Variants in CCDC122 observed in about 807,000 individuals in gnomAD.
CCDC122 encodes coiled-coil domain containing 122, also known as coiled-coil domain-containing protein 122.
A neutral mutation model predicts 37.0 loss-of-function variants in CCDC122; 38 were observed. The observed-to-expected ratio is 1.03, with a 90% confidence interval of 0.79 to 1.35. The LOEUF (loss-of-function observed/expected upper bound fraction) is 1.35, where lower values mean the gene tolerates loss of function less well. Ranked by LOEUF, CCDC122 falls within the 40% of genes most tolerant of loss-of-function variation. The probability of loss-of-function intolerance (pLI) is 0.00; values close to 1 mark genes in which losing one functional copy is unlikely to be tolerated. For synonymous variants in CCDC122, 83 were observed against 95.6 expected, an observed-to-expected ratio of 0.87 and a Z score of 0.77; for missense variants, 305 against 310.0, an observed-to-expected ratio of 0.98 and a Z score of 0.12.
At chr13:43,842,151 A>G (rs1953376815) in intron 6 of CCDC122, among the ~76,000 whole-genome samples, 1 of 152,190 alleles carries the variant, frequency 6.6e-6, no homozygotes, top group African/African-American at 2.4e-5. Flanking sequence ...ATCCTCCTAT[A>G]GTTTCTTCTG....
At chr13:43,861,850 A>G (rs1210555852) in intron 4 of CCDC122, among the ~76,000 whole-genome samples, 2 of 152,130 alleles carry the variant, frequency 1.3e-5, no homozygotes, top group South Asian at 2.1e-4. Flanking sequence ...AGACTTTCTG[A>G]TTTCAATAAA....
intron 1 of CCDC122, among the ~76,000 whole-genome samples, chr13:43,876,771 T>C (rs1208712642): frequency 6.6e-6 from 1 of 152,234 alleles, no homozygotes; most frequent in Non-Finnish European, 1.5e-5. Flanking sequence ...TAAAAATCTA[T>C]GTTTAATATT....
At chr13:43,852,988 C>T (rs1394485252) in intron 6 of CCDC122, among the ~76,000 whole-genome samples, 1 of 152,094 alleles carries the variant, frequency 6.6e-6, no homozygotes, top group African/African-American at 2.4e-5. Context: ...CTGAAGAAAG[C>T]ACTAAATATG....
At chr13:43,822,904 G>A (rs756373841), downstream of CCDC122, among the ~76,000 whole-genome samples, 4 of 152,124 alleles carry the variant, frequency 2.6e-5, no homozygotes, top group African/African-American at 4.8e-5. Context: ...GCCTGGAACC[G>A]GGGACCCCAA....
intron 3 of CCDC122, among the ~76,000 whole-genome samples, chr13:43,827,532 T>G (rs1005474614): frequency 2.0e-5 from 3 of 152,200 alleles, no homozygotes; most frequent in Non-Finnish European, 2.9e-5. Context: ...TGATACAGAT[T>G]TTTTGGTACA....
Position 43,858,853 on chromosome 13 carries a change from T to C in CCDC122, c.600A>G (p.Glu200=), listed in dbSNP as rs774995481. 2.1e-6 allele frequency: 3 copies of C among 1,419,020 alleles called. No individual in the cohort carries two copies. Among genetic ancestry groups the C allele is most frequent in the Admixed American group, 2.3e-5 (1 of 42,842 alleles). The allele number at this position is 1,419,020 out of a possible 1,614,324, so 87.9% of individuals were successfully genotyped here. Reference sequence around the variant, plus strand: ...GAAAACAAGTTTTTTCAATGATAGATTCTTTTACAGTTATAATTTTATCCT... The same window carrying C: ...GAAAACAAGTTTTTTCAATGATAGACTCTTTTACAGTTATAATTTTATCCT... ...NLKDKIITVK[E]SIIEKTCFLE... The change falls in exon 6 of 7, where the codon GAA becomes GAG. Residue 200 remains glutamate, a synonymous_variant. Transcript: ENST00000444614.
chr13:43,864,716 A>C (rs139373926), intron 4 of CCDC122, among the ~76,000 whole-genome samples: 1 of 152,200 alleles, frequency 6.6e-6, no homozygotes, highest in Non-Finnish European at 1.5e-5. Flanking sequence ...TTCCAACATG[A>C]GGGTTGGAGG....
Position 43,869,373 on chromosome 13 carries a change from A to G in CCDC122, c.4T>C (p.Ser2Pro). Residue 2 changes from serine (S) to proline (P), a missense_variant, in exon 3 of 7, where the codon TCA (serine) becomes CCA (proline). By Grantham distance (74) the Ser-to-Pro change is moderately conservative. Coordinates refer to ENST00000444614, the MANE Select transcript of CCDC122 (RefSeq NM_144974.5). ...TGACTCTTCCTTTCTTTGTTGTCTG[A>G]CATTTTCTGTGTCTGTAATCTCTTT... M[S>P]DNKERKSQGF... 6.2e-7 allele frequency: 1 copy of G among 1,607,146 alleles called. No homozygotes were observed.
intron 4 of CCDC122, among the ~76,000 whole-genome samples, chr13:43,861,479 C>G (rs895801717): frequency 1.3e-5 from 2 of 152,188 alleles, no homozygotes; most frequent in South Asian, 4.1e-4. Context: ...TAGCTCTTCC[C>G]TTCTTTTAAA....
intron 6 of CCDC122, among the ~76,000 whole-genome samples, chr13:43,845,376 C>T (rs1953483926): frequency 6.6e-6 from 1 of 152,156 alleles, no homozygotes; most frequent in Admixed American, 6.5e-5. Context: ...ACATATTTTC[C>T]ATTTCTAGTC....
chr13:43,821,402 T>G (rs1451452840), downstream of CCDC122, among the ~76,000 whole-genome samples: 4 of 152,192 alleles, frequency 2.6e-5, no homozygotes, highest in African/African-American at 9.6e-5. Flanking sequence ...TTTTGTATTT[T>G]TAGTAAAGAT....
intron 1 of CCDC122, among the ~76,000 whole-genome samples, chr13:43,878,711 C>T (rs1566959170): frequency 6.6e-6 from 1 of 152,118 alleles, no homozygotes; most frequent in Non-Finnish European, 1.5e-5. Flanking sequence ...ACGTTATATT[C>T]TTGGAGGACA....
intron 6 of CCDC122, among the ~76,000 whole-genome samples, chr13:43,846,488 G>A (rs1377427583): frequency 1.3e-5 from 2 of 152,196 alleles, no homozygotes; most frequent in East Asian, 1.9e-4. Flanking sequence ...CTAATAGTCA[G>A]TTAAATTACT....
intron 2 of CCDC122, among the ~76,000 whole-genome samples, chr13:43,869,760 C>T (rs888199543): frequency 1.3e-5 from 2 of 152,044 alleles, no homozygotes; most frequent in Admixed American, 6.6e-5. Context: ...CTGATATACA[C>T]TGCATAATTA....
At chr13:43,863,754 T>C (rs1420696674) in intron 4 of CCDC122, among the ~76,000 whole-genome samples, 2 of 152,068 alleles carry the variant, frequency 1.3e-5, no homozygotes, top group African/African-American at 4.8e-5. Flanking sequence ...GTTAGATGTG[T>C]TTTCAAATAT....
At chr13:43,873,626 C>A (rs1954515355) in intron 2 of CCDC122, among the ~76,000 whole-genome samples, 1 of 152,184 alleles carries the variant, frequency 6.6e-6, no homozygotes, top group Non-Finnish European at 1.5e-5. Flanking sequence ...TTGACCTACC[C>A]AAAGGATGAG....
chr13:43,872,326 C>G (rs1458110958), intron 2 of CCDC122, among the ~76,000 whole-genome samples: 3 of 152,088 alleles, frequency 2.0e-5, no homozygotes, highest in Middle Eastern at 3.2e-3. Context: ...AGAATCTCAA[C>G]CAGCTGCTTT....
intron 4 of CCDC122, among the ~76,000 whole-genome samples, chr13:43,863,057 G>A (rs931033721): frequency 6.6e-6 from 1 of 150,656 alleles, no homozygotes; most frequent in Admixed American, 6.6e-5. Flanking sequence ...ATACATATTC[G>A]AACTTTACAA....
At chr13:43,876,658 G>A (rs77007175) in intron 1 of CCDC122, among the ~76,000 whole-genome samples, 12,757 of 152,186 alleles carry the variant, frequency 0.084, 619 homozygotes, top group East Asian at 0.13. Flanking sequence ...TGACTTACTT[G>A]TGTTTGTTTG....
Sources: gnomAD v4.1 joint callset for allele counts (sites outside exome capture counted in the v4.1 genomes callset) on GRCh38, gnomAD v4.1.1 for gene constraint, MANE v1.5 for transcripts, NCBI Gene and HGNC (gene_info 2026-07-23, HGNC 2026-07-21) for gene names.